MPP7: variants seen among roughly 807,000 people sequenced by gnomAD.
MPP7 encodes the protein MAGUK p55 scaffold protein 7, also known as MAGUK p55 subfamily member 7.
In MPP7, 60 loss-of-function variants were observed where a neutral mutation model predicts 76.5. The ratio of observed to expected loss-of-function variants is 0.78; its 90% CI spans 0.64 to 0.97. The LOEUF (loss-of-function observed/expected upper bound fraction) is 0.97. MPP7 is among the 50% of genes least tolerant of loss of function. The probability of loss-of-function intolerance (pLI) is 0.00; values close to 1 mark genes in which losing one functional copy is unlikely to be tolerated. For missense variants in MPP7, 641 were observed against 694.0 expected, an observed-to-expected ratio of 0.92 and a Z score of 0.86; for synonymous variants, 237 against 244.5, an observed-to-expected ratio of 0.97 and a Z score of 0.29.
intron 12 of MPP7, among the ~76,000 whole-genome samples, chr10:28,077,745 C>T (rs1402028867): frequency 3.3e-5 from 5 of 152,206 alleles, no homozygotes; most frequent in African/African-American, 4.8e-5. Flanking sequence ...TACACTTACA[C>T]GGGCACATAT....
At chr10:28,304,605 A>C (rs1369397122), upstream of MPP7, among the ~76,000 whole-genome samples, 1 of 152,238 alleles carries the variant, frequency 6.6e-6, no homozygotes, top group African/African-American at 2.4e-5. Flanking sequence ...CTGTAATTCT[A>C]AACTGTAGTC....
In MPP7 at chr10:28,246,289, T is replaced by C. The variant is rs79002991; in HGVS notation, c.-131-7554A>G. Among the ~76,000 whole-genome samples the C allele has an allele frequency of 4.1e-3, 626 of 151,726 alleles. 4 individuals carry two copies. The highest frequency in any genetic ancestry group is 0.014 in the African/African-American group (585 of 41,426). ...AGAAATTTTGCAGGTTGAAGTAAGA[T>C]GATACAATCAAAGTGGTGAAAAAAA... On this transcript the variant is annotated intron_variant, in intron 1 of 16. Coordinates refer to ENST00000683449, the MANE Select transcript of MPP7 (RefSeq NM_001318170.2).
intron 11 of MPP7, among the ~76,000 whole-genome samples, chr10:28,101,450 C>A (rs897507134): frequency 4.6e-5 from 7 of 152,094 alleles, no homozygotes; most frequent in South Asian, 2.1e-4. Context: ...TAGGAAAAAA[C>A]ACCTAGGAGT....
chr10:28,286,955 T>A (rs1474242274), intron 1 of MPP7, among the ~76,000 whole-genome samples: 8 of 152,196 alleles, frequency 5.3e-5, no homozygotes, highest in Non-Finnish European at 4.4e-5. Context: ...ATGAAGGAGC[T>A]GTGCGGCATA....
intron 1 of MPP7, among the ~76,000 whole-genome samples, chr10:28,292,231 T>G (rs1465131795): frequency 6.6e-6 from 1 of 152,206 alleles, no homozygotes; most frequent in African/African-American, 2.4e-5. Context: ...TTTGTGTAAG[T>G]GCAGTCTGCG....
intron 3 of MPP7, among the ~76,000 whole-genome samples, chr10:28,167,838 A>T (rs753922961): frequency 6.6e-6 from 1 of 152,218 alleles, no homozygotes; most frequent in Non-Finnish European, 1.5e-5. Context: ...CATACTCACC[A>T]ATACTTGAGA....
intron 4 of MPP7, 64 bp from the exon 5 acceptor site, chr10:28,147,627 G>T: frequency 1.4e-6 from 2 of 1,384,196 alleles, no homozygotes; most frequent in Non-Finnish European, 2.1e-6. Flanking sequence ...TTGGGTGTGT[G>T]ACAACTGAGA....
rs1335241948 is a variant in MPP7, at chr10:28,051,388, A to G, written c.*2677T>C. 3 of 152,260 alleles carry G rather than the reference A, an allele frequency of 2.0e-5. No individual in the cohort carries two copies. The highest frequency in any genetic ancestry group is 7.2e-5 in the African/African-American group (3 of 41,464). 9.4% of individuals were successfully genotyped at this position (152,260 alleles called of 1,614,324 possible). A position where few individuals can be genotyped will look rare whatever the true frequency, so the allele number is the denominator to read the frequency against. ...AGGAAGGTCAGCCTTAAAGATACCA[A>G]GAACTTCCATATTGGTCAGTAAAAT... On this transcript the variant is annotated 3_prime_UTR_variant, in exon 17 of 17. Coordinates refer to ENST00000683449, the MANE Select transcript of MPP7 (RefSeq NM_001318170.2).
intron 4 of MPP7, 143 bp downstream of exon 4, chr10:28,149,838 TG>T (rs1463165418): frequency 6.7e-5 from 35 of 523,118 alleles, no homozygotes; most frequent in African/African-American, 5.2e-4. Context: ...ATAAGCTCAG[TG>T]ATGACAGGAC....
chr10:28,217,537 AAAAAGAAAAGAAAAG>A (rs3064105), intron 2 of MPP7, among the ~76,000 whole-genome samples: 1 of 138,172 alleles, frequency 7.2e-6, no homozygotes, highest in Non-Finnish European at 1.5e-5. Flanking sequence ...AAAAAAAAAA[AAAAAGAAAAGAAAAG>A]AAAAGAAAAG....
intron 2 of MPP7, among the ~76,000 whole-genome samples, chr10:28,216,877 T>C (rs1189586474): frequency 6.6e-6 from 1 of 152,036 alleles, no homozygotes; most frequent in Non-Finnish European, 1.5e-5. Flanking sequence ...TTTTTTTTTT[T>C]GGCAGAACGA....
intron 11 of MPP7, among the ~76,000 whole-genome samples, chr10:28,094,761 C>T (rs1022211041): frequency 4.6e-5 from 7 of 152,026 alleles, no homozygotes; most frequent in African/African-American, 1.4e-4. Flanking sequence ...TTGTAGATGC[C>T]TAAAGTACCT....
intron 3 of MPP7, among the ~76,000 whole-genome samples, chr10:28,176,416 G>A (rs1054247709): frequency 1.3e-5 from 2 of 152,006 alleles, no homozygotes; most frequent in Non-Finnish European, 2.9e-5. Context: ...GCCAAAGCTG[G>A]GGTCATTTTA....
intron 2 of MPP7, among the ~76,000 whole-genome samples, chr10:28,320,173 T>C (rs1834354536): frequency 6.6e-6 from 1 of 151,970 alleles, no homozygotes. Context: ...AGGAAACTAG[T>C]TTAAGGAGAG....
intron 2 of MPP7, among the ~76,000 whole-genome samples, chr10:28,233,383 C>G (rs1421041362): frequency 3.9e-5 from 6 of 152,128 alleles, no homozygotes; most frequent in Non-Finnish European, 8.8e-5. Context: ...ACATACACTT[C>G]TTTGCTTTGT....
intron 1 of MPP7, among the ~76,000 whole-genome samples, chr10:28,247,586 C>G (rs1180464760): frequency 6.6e-6 from 1 of 152,148 alleles, no homozygotes; most frequent in Non-Finnish European, 1.5e-5. Context: ...TCTTTATACT[C>G]CTAAAGGAAA....
At chr10:28,125,237 T>C (rs1834981608) in intron 6 of MPP7, 146 bp from the exon 7 acceptor site, 3 of 660,848 alleles carry the variant, frequency 4.5e-6, no homozygotes, top group Non-Finnish European at 7.9e-6. Flanking sequence ...ATAGACATCA[T>C]GCCATTTGTC....
At chr10:28,275,410 C>CT (rs111692769) in intron 1 of MPP7, among the ~76,000 whole-genome samples, 5,461 of 141,552 alleles carry the variant, frequency 0.039, 321 homozygotes, top group African/African-American at 0.13. Context: ...CCTAATATTT[C>CT]TTTTTTTTTT....
intron 2 of MPP7, among the ~76,000 whole-genome samples, chr10:28,229,200 A>C: frequency 6.6e-6 from 1 of 152,236 alleles, no homozygotes; most frequent in Admixed American, 6.5e-5. Context: ...GAAAGTGCAG[A>C]CATCTAAGAA....
Sources: allele counts gnomAD v4.1 joint callset (sites outside exome capture counted in the v4.1 genomes callset), GRCh38; gene constraint gnomAD v4.1.1; transcripts MANE v1.5; gene names NCBI Gene and HGNC (gene_info 2026-07-23, HGNC 2026-07-21).